LRRK2: variants seen among roughly 807,000 people sequenced by gnomAD.
LRRK2 encodes the protein leucine-rich repeat serine/threonine-protein kinase 2.
Under a neutral mutation model 302.6 loss-of-function variants are expected in LRRK2, and 203 were observed. The observed-to-expected ratio is 0.67, with a 90% CI of 0.60 to 0.75. The LOEUF is 0.75. Among genes scored for constraint, LRRK2 ranks in the 30% least tolerant of loss-of-function variants. LRRK2 has a pLI of 0.00. For missense variants in LRRK2, 2,830 were observed against 2,951.0 expected (o/e 0.96, Z 0.95); for synonymous variants, 1,066 against 1,031.9 (o/e 1.03, Z -0.63).
intron 14 of LRRK2, 55 bp from the exon 15 acceptor site, chr12:40,274,528 A>C (rs1943367914): frequency 6.3e-7 from 1 of 1,586,934 alleles, no homozygotes; most frequent in Non-Finnish European, 8.6e-7. Flanking sequence ...ACTGGTCTTA[A>C]CTAAGGTAAG....
chr12:40,356,328 C>T (rs1946538467), intron 46 of LRRK2, 141 bp downstream of exon 46: 1 of 631,486 alleles, frequency 1.6e-6, no homozygotes. Context: ...TTCATAAAAT[C>T]TTGAACACAG....
chr12:40,277,826 A>G (rs1171285563), intron 16 of LRRK2, 62 bp from the exon 17 acceptor site: 10 of 1,415,804 alleles, frequency 7.1e-6, no homozygotes, highest in South Asian at 1.2e-5. Context: ...TCTCTGCTTT[A>G]TACTGTTTAT....
chr12:40,348,007 C>T (rs1168561071), intron 42 of LRRK2, among the ~76,000 whole-genome samples: 1 of 152,004 alleles, frequency 6.6e-6, no homozygotes, highest in Non-Finnish European at 1.5e-5. Flanking sequence ...TAAGCTACGC[C>T]TCTTATAAAA....
chr12:40,352,963 T>C (rs1289877473), intron 44 of LRRK2, among the ~76,000 whole-genome samples: 1 of 152,264 alleles, frequency 6.6e-6, no homozygotes. Flanking sequence ...CTGTTCTCAA[T>C]GAGCTGCTGG....
intron 7 of LRRK2, among the ~76,000 whole-genome samples, chr12:40,247,374 T>G (rs1053192005): frequency 2.6e-5 from 4 of 151,206 alleles, no homozygotes; most frequent in African/African-American, 9.7e-5. Context: ...ATTTTCACAT[T>G]TCTTTCATAG....
At chr12:40,228,861 A>G (rs1334728761) in intron 2 of LRRK2, among the ~76,000 whole-genome samples, 1 of 152,170 alleles carries the variant, frequency 6.6e-6, no homozygotes, top group Non-Finnish European at 1.5e-5. Flanking sequence ...TCCTGGAAAT[A>G]TTACCGGATG....
At chr12:40,299,278 T>C in intron 25 of LRRK2, 21 bp downstream of exon 25, 2 of 1,612,438 alleles carry the variant, frequency 1.2e-6, no homozygotes, top group South Asian at 2.2e-5. Flanking sequence ...TGTGTGGGTC[T>C]CCTCCTTACC....
chr12:40,268,421 C>T (rs917656223), intron 14 of LRRK2, among the ~76,000 whole-genome samples: 2 of 151,994 alleles, frequency 1.3e-5, no homozygotes, highest in Non-Finnish European at 2.9e-5. Context: ...AAAGCAACAA[C>T]AACAATGACA....
At chr12:40,258,575 T>G (rs912837952) in intron 12 of LRRK2, among the ~76,000 whole-genome samples, 6 of 152,190 alleles carry the variant, frequency 3.9e-5, no homozygotes, top group African/African-American at 1.2e-4. Flanking sequence ...CCCTGGAGAT[T>G]CCGCATTGGC....
chr12:40,304,013 C>T lies in LRRK2; in HGVS notation c.3656C>T (p.Ser1219Phe). The T allele has an allele frequency of 6.2e-7, 1 of 1,613,738 alleles. No individual in the cohort carries two copies. Among genetic ancestry groups the T allele is most frequent in the Non-Finnish European group, 8.5e-7 (1 of 1,179,768 alleles). The change falls in exon 27 of 51, where the codon TCT (serine) becomes TTT (phenylalanine). Residue 1219 changes from serine (S) to phenylalanine (F), a missense_variant. Physicochemically the swap from Ser to Phe is radical, Grantham distance 155. This residue lies in a region of LRRK2 where 2,121 missense variants were observed against 2,148.0 expected (regional missense o/e 0.99). Transcript: ENST00000298910. ...QYLPGPAHWKSLNLRELLFSH... is the reference protein window; with the variant it reads ...QYLPGPAHWKFLNLRELLFSH... ...CTACCAGGTCCCGCACACTGGAAAT[C>T]TTTGAACTTAAGGGAACTCTTATTT...
intron 8 of LRRK2, 59 bp downstream of exon 8, chr12:40,250,004 A>T: frequency 6.3e-7 from 1 of 1,594,342 alleles, no homozygotes; most frequent in Non-Finnish European, 8.6e-7. Context: ...AAATATGAAC[A>T]TTGTAACAAG....
chr12:40,266,607 A>G (rs1943026899), intron 14 of LRRK2, among the ~76,000 whole-genome samples: 1 of 152,118 alleles, frequency 6.6e-6, no homozygotes, highest in Non-Finnish European at 1.5e-5. Context: ...TTCCTCAGGG[A>G]TCTAGAACTA....
At chr12:40,243,417 A>G (rs1232081520) in intron 6 of LRRK2, 133 bp from the exon 7 acceptor site, 11 of 937,282 alleles carry the variant, frequency 1.2e-5, no homozygotes, top group Non-Finnish European at 1.5e-5. Flanking sequence ...TACTTAAAGA[A>G]CATGATGTTT....
At chr12:40,348,294 G>T (rs778283274) in intron 42 of LRRK2, 115 bp from the exon 43 acceptor site, 47 of 732,626 alleles carry the variant, frequency 6.4e-5, no homozygotes, top group Non-Finnish European at 1.0e-4. Flanking sequence ...ATAAATATAG[G>T]ATTATGGAGA....
At chr12:40,287,053 A>G (rs1034241442) in intron 19 of LRRK2, among the ~76,000 whole-genome samples, 5 of 152,000 alleles carry the variant, frequency 3.3e-5, no homozygotes, top group African/African-American at 1.2e-4. Context: ...CATTTCTATG[A>G]CTTGAACACA....
At chr12:40,343,822 G>A (rs1200489427) in intron 41 of LRRK2, among the ~76,000 whole-genome samples, 1 of 152,010 alleles carries the variant, frequency 6.6e-6, no homozygotes, top group Non-Finnish European at 1.5e-5. Context: ...ACTTAATAGT[G>A]GCATGATGTT....
At chr12:40,260,412 T>C (rs1177136167) in intron 13 of LRRK2, among the ~76,000 whole-genome samples, 1 of 151,256 alleles carries the variant, frequency 6.6e-6, no homozygotes, top group African/African-American at 2.4e-5. Flanking sequence ...GAAGGGTAGA[T>C]AGAGCTGGCC....
intron 43 of LRRK2, among the ~76,000 whole-genome samples, chr12:40,349,610 C>G (rs1378724751): frequency 6.6e-6 from 1 of 152,116 alleles, no homozygotes; most frequent in Non-Finnish European, 1.5e-5. Flanking sequence ...CAGCTTTGAC[C>G]TCCTGGGCTC....
chr12:40,335,840 C>G (rs923157848), intron 40 of LRRK2, among the ~76,000 whole-genome samples: 1 of 152,186 alleles, frequency 6.6e-6, no homozygotes, highest in South Asian at 2.1e-4. Flanking sequence ...TGCTCCCCAA[C>G]CCCAGTCACC....
Sources: gnomAD v4.1 joint callset for allele counts (sites outside exome capture counted in the v4.1 genomes callset) on GRCh38, gnomAD v4.1.1 for gene constraint, gnomAD v4.1.1 regional missense constraint, MANE v1.5 for transcripts, NCBI Gene and HGNC (gene_info 2026-07-23, HGNC 2026-07-21) for gene names.